Variants in KRT75 observed in about 807,000 individuals in gnomAD.
KRT75 encodes the protein keratin 75.
Under a neutral mutation model 48.8 loss-of-function variants are expected in KRT75, and 35 were observed. That is an observed-to-expected ratio of 0.72 (90% CI 0.55 to 0.95). The LOEUF (loss-of-function observed/expected upper bound fraction) is 0.95, where lower values mean the gene tolerates loss of function less well. Ranked by LOEUF, KRT75 falls within the 40% of genes least tolerant of loss-of-function variation. The probability of loss-of-function intolerance (pLI) is 0.00; values close to 1 mark genes in which losing one functional copy is unlikely to be tolerated. For missense variants in KRT75, 776 were observed against 709.9 expected (o/e 1.09, Z -1.06); for synonymous variants, 301 against 282.3 (o/e 1.07, Z -0.66).
In KRT75 at chr12:52,424,715, GC is replaced by G; in HGVS notation, c.1457del (p.Gly486AlafsTer44). ...TSTLSSGYGS[G>X]SSIGGGNLGL... ...CCAGGTTTCCACCTCCAATGCTGCT[GC>G]CGCTTCCATAGCCACTGGAAAGAGT... On this transcript the variant is annotated frameshift_variant, in exon 9 of 9. Transcript: ENST00000252245. LOFTEE classifies it low-confidence loss of function (END_TRUNC). 1.2e-6 allele frequency: 2 copies of G among 1,614,050 alleles called. No individual in the cohort carries two copies. The highest frequency in any genetic ancestry group is 2.2e-5 in the South Asian group (2 of 91,066).
chr12:52,431,441 G>A (rs568939321), intron 4 of KRT75, 102 bp downstream of exon 4: 1 of 928,168 alleles, frequency 1.1e-6, no homozygotes, highest in African/African-American at 1.6e-5. Context: ...ATCCAAGCAA[G>A]ATGCTGGGCA....
At chr12:52,430,931 G>T (rs932345122) in intron 4 of KRT75, among the ~76,000 whole-genome samples, 4 of 152,202 alleles carry the variant, frequency 2.6e-5, no homozygotes, top group Non-Finnish European at 5.9e-5. Context: ...AGGCATGAGG[G>T]TGGGTAAGCA....
At chr12:52,429,889 T>C (rs1940121600) in intron 5 of KRT75, among the ~76,000 whole-genome samples, 1 of 152,176 alleles carries the variant, frequency 6.6e-6, no homozygotes, top group Non-Finnish European at 1.5e-5. Flanking sequence ...CCAAACTTCT[T>C]TGCGGCTGTC....
At position 52,428,213 on chromosome 12, in the gene KRT75, A is replaced by G. The variant is rs762159116; in HGVS notation, c.1382+43T>C. ...TAGGAATGCCCAGGAAGCTGAGGTG[A>G]GCTCAACTTGCTTTGAGGATGAAGT... On this transcript the variant is annotated intron_variant, in intron 7 of 8. Transcript: ENST00000252245. The G allele has an allele frequency of 1.1e-4, 174 of 1,610,590 alleles. 1 individual carries two copies. The South Asian group carries it at 1.9e-3, about 18-fold the overall frequency.
chr12:52,428,211 T>G, intron 7 of KRT75, 45 bp downstream of exon 7: 81 of 1,607,366 alleles, frequency 5.0e-5, no homozygotes, highest in Non-Finnish European at 6.6e-5. Context: ...GAAGCTGAGG[T>G]GAGCTCAACT....
chr12:52,427,973 A>G (rs1399423729), intron 7 of KRT75, among the ~76,000 whole-genome samples: 1 of 152,118 alleles, frequency 6.6e-6, no homozygotes, highest in African/African-American at 2.4e-5. Context: ...TTTAGACCAC[A>G]TTTCGAGAGC....
In KRT75 at chr12:52,424,486, A is replaced by G; in HGVS notation, c.*31T>C. ...CCAGGTGTGACTGCAAACAGGCCTC[A>G]AGGCAGGGTAGAGGGAGCCATGGGG... On this transcript the variant is annotated 3_prime_UTR_variant, in exon 9 of 9. Transcript: ENST00000252245. The G allele has an allele frequency of 6.3e-7, 1 of 1,595,312 alleles. No individual in the cohort carries two copies.
rs1940081299 is a variant in KRT75 at position 52,426,832 on chromosome 12, A to C, written c.1402T>G (p.Ser468Ala). ...EECRLSGEGV[S>A]PVNISVVTST... ...TCATACTCACAAATGTTAACTGGAG[A>C]AACTCCCTCTCCACTCAACCTGATT... is the stretch of plus-strand genomic sequence containing the variant. The change falls in exon 8 of 9, where the codon TCT becomes GCT. Residue 468 changes from serine (S) to alanine (A), a missense_variant. Coordinates refer to ENST00000252245, the MANE Select transcript of KRT75 (RefSeq NM_004693.3). 1.2e-6 allele frequency: 2 copies of C among 1,614,064 alleles called. No homozygotes were observed. The highest frequency in any genetic ancestry group is 2.7e-5 in the African/African-American group (2 of 74,924).
chr12:52,429,089 G>A (rs1192193287), intron 5 of KRT75, among the ~76,000 whole-genome samples: 2 of 152,026 alleles, frequency 1.3e-5, no homozygotes, highest in Non-Finnish European at 2.9e-5. Context: ...TGAGAAGGAG[G>A]GACCTAAGTG....
Position 52,424,591 on chromosome 12 carries a change from C to T in KRT75, c.1582G>A (p.Gly528Ser). The change falls in exon 9 of 9, where the codon GGC (glycine) becomes AGC (serine). Residue 528 changes from glycine (G) to serine (S), a missense_variant. Physicochemically the swap from Gly to Ser is moderately conservative, Grantham distance 56. Transcript: ENST00000252245. ...GSGFSATSNR[G>S]LGGSGSSVKF... ...ACGCTAGAACCACTGCCCCCTAAGC[C>T]CCGGTTGCTGGTGGCACTGAATCCA... is the stretch of plus-strand genomic sequence containing the variant. The T allele has an allele frequency of 6.2e-7, 1 of 1,614,184 alleles. No homozygotes were observed. The highest frequency in any genetic ancestry group is 8.5e-7 in the Non-Finnish European group (1 of 1,180,034).
chr12:52,434,033 C>T lies in KRT75; in HGVS notation c.272G>A (p.Arg91Lys). 18 of 1,614,094 alleles carry T rather than the reference C, an allele frequency of 1.1e-5. No individual in the cohort carries two copies. Among genetic ancestry groups the T allele is most frequent in the Non-Finnish European group, 1.5e-5 (18 of 1,180,000 alleles). The change falls in exon 1 of 9, where the codon AGG becomes AAG. Residue 91 changes from arginine to lysine, a missense_variant. Transcript: ENST00000252245. ...GCCAAATCCACTGTTGACTCCAAAC[C>T]TGTTGCTGGCCCTGCCACCAAAGCC... Reference protein sequence around the residue: ...RSGFGGRASNRFGVNSGFGYG... With the variant: ...RSGFGGRASNKFGVNSGFGYG...
rs1428382058 is a variant in KRT75 at position 52,433,930 on chromosome 12, A to G, written c.375T>C (p.Thr125=). The change falls in exon 1 of 9, where the codon ACT becomes ACC. Residue 125 remains threonine (T), a synonymous_variant. Transcript: ENST00000252245. ...GAGGAGTCAGGAGACTCTGGTTGAC[A>G]GTGACCTCTTGGATGCCTCCAGGGG... is the stretch of plus-strand genomic sequence containing the variant. ...VCPPGGIQEV[T]VNQSLLTPLH... is the part of the protein sequence containing the mutation. The G allele has an allele frequency of 6.2e-6, 10 of 1,614,074 alleles. No individual in the cohort carries two copies. The highest frequency in any genetic ancestry group is 7.6e-6 in the Non-Finnish European group (9 of 1,180,030).
At chr12:52,431,907 G>T in intron 3 of KRT75, 99 bp downstream of exon 3, 1 of 1,119,822 alleles carries the variant, frequency 8.9e-7, no homozygotes, top group Non-Finnish European at 1.4e-6. Flanking sequence ...CAAGGTTGAT[G>T]TGACATTTCT....
Position 52,430,623 on chromosome 12 carries a change from C to A in KRT75, c.953G>T (p.Ser318Ile). The A allele has an allele frequency of 1.9e-6, 3 of 1,614,188 alleles. No individual in the cohort carries two copies. Among genetic ancestry groups the A allele is most frequent in the Non-Finnish European group, 2.5e-6 (3 of 1,180,038 alleles). The change falls in exon 5 of 9, where the codon AGT becomes ATT. Residue 318 changes from serine (S) to isoleucine (I), a missense_variant. Physicochemically the swap from Ser to Ile is moderately radical, Grantham distance 142 (BLOSUM62 -2). Transcript: ENST00000252245. Reference protein sequence around the residue: ...MDNNRNLDLDSIIAEVKAQYE... With the variant: ...MDNNRNLDLDIIIAEVKAQYE... ...TTGTGCTTTGACCTCGGCGATGATA[C>A]TATCCAGGTCCAGGTTGCGGTTGTT... is the stretch of plus-strand genomic sequence containing the variant.
chr12:52,424,450 G>T lies in KRT75; in HGVS notation c.*67C>A. On this transcript the variant is annotated 3_prime_UTR_variant, in exon 9 of 9. Coordinates refer to ENST00000252245, the MANE Select transcript of KRT75 (RefSeq NM_004693.3). Reference sequence around the variant, plus strand: ...CTTACAAGGAGAGAGGAAGGAGGAGGACCCTGGTGTCCAGGTGTGACTGCA... The same window carrying T: ...CTTACAAGGAGAGAGGAAGGAGGAGTACCCTGGTGTCCAGGTGTGACTGCA... 3 of 1,366,948 alleles carry T rather than the reference G, an allele frequency of 2.2e-6. No homozygotes were observed. The highest frequency in any genetic ancestry group is 1.0e-6 in the Non-Finnish European group (1 of 954,598). The allele number at this position is 1,366,948 out of a possible 1,614,324, so 84.7% of individuals were successfully genotyped here.
rs1242886345 is a variant in KRT75, at chr12:52,433,798, C to T, written c.498+9G>A. On this transcript the variant is annotated intron_variant, in intron 1 of 8. Coordinates refer to ENST00000252245, the MANE Select transcript of KRT75 (RefSeq NM_004693.3). ...CAAACCCAAGGGGGTGGATGAAGCCCCTGCTTACCTTGTCGATGAAGGAGG... is the reference window on the plus strand; with the variant it reads ...CAAACCCAAGGGGGTGGATGAAGCCTCTGCTTACCTTGTCGATGAAGGAGG... The T allele has an allele frequency of 5.0e-6, 8 of 1,614,086 alleles. No homozygotes were observed. The highest frequency in any genetic ancestry group is 6.8e-6 in the Non-Finnish European group (8 of 1,180,002).
In KRT75 at chr12:52,433,044, T is replaced by A. The variant is rs1565793488; in HGVS notation, c.707A>T (p.Lys236Ile). ...RNMQDVVEDFKVRYEDEINKR... is the reference protein window; with the variant it reads ...RNMQDVVEDFIVRYEDEINKR... ...AAGCCAGTCTCCCACTTACCTGACTTTGAAATCTTCCACAACATCCTGCAT... is the reference window on the plus strand; with the variant it reads ...AAGCCAGTCTCCCACTTACCTGACTATGAAATCTTCCACAACATCCTGCAT... The change falls in exon 2 of 9, where the codon AAA (lysine) becomes ATA (isoleucine). Residue 236 changes from lysine (K) to isoleucine (I), a missense_variant. Physicochemically the swap from Lys to Ile is moderately radical, Grantham distance 102. Transcript: ENST00000252245. 1 of 1,613,920 alleles carries A rather than the reference T, an allele frequency of 6.2e-7. No homozygotes were observed. The highest frequency in any genetic ancestry group is 1.1e-5 in the South Asian group (1 of 91,062).
At chr12:52,429,065 T>A (rs1165956225) in intron 5 of KRT75, among the ~76,000 whole-genome samples, 1 of 152,150 alleles carries the variant, frequency 6.6e-6, no homozygotes, top group African/African-American at 2.4e-5. Context: ...ATGCTTGAAC[T>A]GTGGTCTGAA....
In KRT75 at chr12:52,434,214, G is replaced by C; in HGVS notation, c.91C>G (p.Arg31Gly). The part of the protein sequence containing the change: ...SAITPAAGRS[R>G]FSSVSVARSA... Reference sequence around the variant, plus strand: ...CGGGCCACAGAGACAGAGCTGAAGCGGGAGCGGCCAGCTGCCGGGGTGATG... The same window carrying C: ...CGGGCCACAGAGACAGAGCTGAAGCCGGAGCGGCCAGCTGCCGGGGTGATG... Residue 31 changes from arginine to glycine, a missense_variant, in exon 1 of 9, where the codon CGC (arginine) becomes GGC (glycine). By Grantham distance (125) the Arg-to-Gly change is moderately radical. Coordinates refer to ENST00000252245, the MANE Select transcript of KRT75 (RefSeq NM_004693.3). The C allele has an allele frequency of 6.3e-7, 1 of 1,599,338 alleles. No homozygotes were observed. The highest frequency in any genetic ancestry group is 8.5e-7 in the Non-Finnish European group (1 of 1,171,636).
Sources: gnomAD v4.1 joint callset for allele counts (sites outside exome capture counted in the v4.1 genomes callset) on GRCh38, gnomAD v4.1.1 for gene constraint, MANE v1.5 for transcripts, NCBI Gene and HGNC (gene_info 2026-07-23, HGNC 2026-07-21) for gene names.